The following MAP3K20 variants were observed in gnomAD, a reference collection of about 807,000 sequenced individuals.
MAP3K20 encodes mitogen-activated protein kinase kinase kinase 20, also known as HCCS-4.
Under a neutral mutation model 85.7 loss-of-function variants are expected in MAP3K20, and 40 were observed. That is an observed-to-expected ratio of 0.47 (90% CI 0.36 to 0.61). The LOEUF (loss-of-function observed/expected upper bound fraction) is 0.61. Among genes scored for constraint, MAP3K20 ranks in the 20% least tolerant of loss-of-function variants. The probability of loss-of-function intolerance (pLI) is 0.00; values close to 1 mark genes in which losing one functional copy is unlikely to be tolerated. For missense variants in MAP3K20, 817 were observed against 961.7 expected, an observed-to-expected ratio of 0.85 and a Z score of 1.99; for synonymous variants, 325 against 327.7, an observed-to-expected ratio of 0.99 and a Z score of 0.09.
At chr2:173,131,100 G>T (rs1225274226) in intron 2 of MAP3K20, among the ~76,000 whole-genome samples, 2 of 152,122 alleles carry the variant, frequency 1.3e-5, no homozygotes, top group African/African-American at 2.4e-5. Flanking sequence ...TGCTAACTTG[G>T]TGAAAAATCG....
At chr2:173,103,049 A>G (rs1156424020) in intron 2 of MAP3K20, among the ~76,000 whole-genome samples, 1 of 152,154 alleles carries the variant, frequency 6.6e-6, no homozygotes, top group Non-Finnish European at 1.5e-5. Flanking sequence ...GCAAAACTCC[A>G]TCTCAAAAAG....
At chr2:173,151,934 T>G (rs560367926) in intron 2 of MAP3K20, among the ~76,000 whole-genome samples, 7 of 152,216 alleles carry the variant, frequency 4.6e-5, no homozygotes, top group Non-Finnish European at 7.3e-5. Flanking sequence ...CTTCTGAAAC[T>G]CCACAGTTAT....
intron 2 of MAP3K20, among the ~76,000 whole-genome samples, chr2:173,117,592 T>C (rs1326598828): frequency 2.0e-5 from 3 of 152,190 alleles, no homozygotes; most frequent in Admixed American, 2.0e-4. Context: ...TTTTTTTTTC[T>C]AATAAAATTA....
At chr2:173,245,134 A>G (rs1684883777) in intron 16 of MAP3K20, among the ~76,000 whole-genome samples, 1 of 152,186 alleles carries the variant, frequency 6.6e-6, no homozygotes, top group South Asian at 2.1e-4. Context: ...CCCACTAACT[A>G]CCCCTTAAAA....
At chr2:173,117,085 A>G (rs553070075) in intron 2 of MAP3K20, among the ~76,000 whole-genome samples, 1 of 152,342 alleles carries the variant, frequency 6.6e-6, no homozygotes, top group South Asian at 2.1e-4. Context: ...CTGTTTTATC[A>G]TTTTATGTCA....
intron 2 of MAP3K20, among the ~76,000 whole-genome samples, chr2:173,155,873 TCTC>T (rs1444394486): frequency 6.6e-6 from 1 of 152,180 alleles, no homozygotes; most frequent in Non-Finnish European, 1.5e-5. Flanking sequence ...ACAGTAATAT[TCTC>T]CTCATCTTCC....
intron 16 of MAP3K20, among the ~76,000 whole-genome samples, chr2:173,248,653 G>A (rs969584617): frequency 6.6e-6 from 1 of 152,202 alleles, no homozygotes; most frequent in African/African-American, 2.4e-5. Flanking sequence ...ATGCCAGGAA[G>A]TGTCTAACAA....
chr2:173,205,119 A>AT lies in MAP3K20; in HGVS notation c.744+1249_744+1250insT, dbSNP rs778277946. Among the ~76,000 whole-genome samples the AT allele has an allele frequency of 1.5e-3, 211 of 139,558 alleles. 1 individual carries two copies. The highest frequency in any genetic ancestry group is 0.012 in the Admixed American group (176 of 14,178). The allele number at this position is 139,558 out of a possible 152,430, so 91.6% of individuals were successfully genotyped here. ...CTCTGTCTCAAAAAAAAAAAAAAAA[A>AT]AAATAAATAAATAAAATAAAACATA... On this transcript the variant is annotated intron_variant, in intron 9 of 19. Coordinates refer to ENST00000375213, the MANE Select transcript of MAP3K20 (RefSeq NM_016653.3).
Position 173,266,180 on chromosome 2 carries a change from C to T in MAP3K20, c.1833C>T (p.Tyr611=), listed in dbSNP as rs532490517. 36 of 1,614,074 alleles carry T rather than the reference C, an allele frequency of 2.2e-5. No homozygotes were observed. The highest frequency in any genetic ancestry group is 1.8e-4 in the Admixed American group (11 of 60,002). ...FFSHFDGQDS[Y]AAAVRRPQVP... is the part of the protein sequence containing the mutation. ...CACACTTTGATGGCCAGGATTCCTA[C>T]GCTGCTGCTGTGAGACGGCCCCAGG... is the stretch of plus-strand genomic sequence containing the variant. Residue 611 remains tyrosine, a synonymous_variant, in exon 20 of 20, where the codon TAC becomes TAT. Coordinates refer to ENST00000375213, the MANE Select transcript of MAP3K20 (RefSeq NM_016653.3).
chr2:173,224,572 C>T (rs763356780), intron 11 of MAP3K20: 4 of 984,634 alleles, frequency 4.1e-6, no homozygotes, highest in Non-Finnish European at 4.8e-6. Context: ...TAGCTCATTA[C>T]TCTACCACCA....
At chr2:173,173,647 CT>C (rs1207827634) in intron 3 of MAP3K20, among the ~76,000 whole-genome samples, 1 of 152,102 alleles carries the variant, frequency 6.6e-6, no homozygotes, top group Admixed American at 6.6e-5. Flanking sequence ...TTGTGCTAGT[CT>C]TTTTTTATTA....
At position 173,150,397 on chromosome 2, in the gene MAP3K20, A is replaced by G. The variant is rs183133280; in HGVS notation, c.160-19408A>G. 1.1e-4 allele frequency among the ~76,000 whole-genome samples: 17 copies of G among 152,222 alleles called. No homozygotes were observed. The South Asian group carries it at 2.1e-3, about 19-fold the overall frequency. ...TGTTCTAACACTTTTCCAACGCTCT[A>G]TTCTCTAGATTCTCTTTGATTTGTG... On this transcript the variant is annotated intron_variant, in intron 2 of 19. Transcript: ENST00000375213.
At chr2:173,151,085 C>T (rs1689294433) in intron 2 of MAP3K20, among the ~76,000 whole-genome samples, 1 of 152,134 alleles carries the variant, frequency 6.6e-6, no homozygotes, top group African/African-American at 2.4e-5. Flanking sequence ...TTTTCAGACT[C>T]CAAGGCAACT....
chr2:173,202,509 A>G (rs1024388596), intron 8 of MAP3K20, among the ~76,000 whole-genome samples: 3 of 152,316 alleles, frequency 2.0e-5, no homozygotes, highest in East Asian at 1.9e-4. Context: ...ATCACACCCA[A>G]TGCTCATTTT....
intron 2 of MAP3K20, among the ~76,000 whole-genome samples, chr2:173,099,405 G>A (rs370355786): frequency 6.7e-6 from 1 of 149,978 alleles, no homozygotes; most frequent in African/African-American, 2.5e-5. Flanking sequence ...CTCTAGCCTC[G>A]AACTCCTGGG....
At chr2:173,236,800 C>T (rs1684663037) in intron 14 of MAP3K20, among the ~76,000 whole-genome samples, 1 of 152,144 alleles carries the variant, frequency 6.6e-6, no homozygotes, top group South Asian at 2.1e-4. Context: ...AAGTAATGCT[C>T]CAAGCTGGGC....
At chr2:173,088,875 C>A (rs1687213964) in intron 1 of MAP3K20, among the ~76,000 whole-genome samples, 1 of 152,128 alleles carries the variant, frequency 6.6e-6, no homozygotes, top group Non-Finnish European at 1.5e-5. Context: ...TGTTTATAGA[C>A]TATATTTGGA....
chr2:173,108,995 AGTAC>A (rs1687865182), intron 2 of MAP3K20, among the ~76,000 whole-genome samples: 1 of 152,228 alleles, frequency 6.6e-6, no homozygotes, highest in Admixed American at 6.5e-5. Flanking sequence ...AATCATGCAA[AGTAC>A]CTTGAAAGTA....
chr2:173,155,913 C>G (rs1689454771), intron 2 of MAP3K20, among the ~76,000 whole-genome samples: 1 of 152,152 alleles, frequency 6.6e-6, no homozygotes, highest in Non-Finnish European at 1.5e-5. Flanking sequence ...GTTAGATGTG[C>G]CACTATACCC....
Sources: gnomAD v4.1 joint callset for allele counts (sites outside exome capture counted in the v4.1 genomes callset) on GRCh38, gnomAD v4.1.1 for gene constraint, MANE v1.5 for transcripts, NCBI Gene and HGNC (gene_info 2026-07-23, HGNC 2026-07-21) for gene names.